The following SUPT16H variants were observed in gnomAD, a reference collection of about 807,000 sequenced individuals.
SUPT16H encodes SPT16 homolog, facilitates chromatin remodeling subunit.
Under a neutral mutation model 136.2 loss-of-function variants are expected in SUPT16H, and 24 were observed. That is an observed-to-expected ratio of 0.18 (90% CI 0.13 to 0.25). SUPT16H has a LOEUF of 0.25. Ranked by LOEUF, SUPT16H falls within the 10% of genes least tolerant of loss-of-function variation. SUPT16H has a pLI of 1.00. For missense variants in SUPT16H, 623 were observed against 1,270.2 expected, an observed-to-expected ratio of 0.49 and a Z score of 7.74; for synonymous variants, 415 against 428.2, an observed-to-expected ratio of 0.97 and a Z score of 0.38.
chr14:21,380,296 A>ATTTTTT (rs60588939), intron 1 of SUPT16H, among the ~76,000 whole-genome samples: 3 of 112,028 alleles, frequency 2.7e-5, no homozygotes, highest in South Asian at 3.2e-4. Flanking sequence ...GGAAGACTGA[A>ATTTTTT]TTTTTTTTTT....
At chr14:21,363,980 A>G (rs1157142843) in intron 10 of SUPT16H, among the ~76,000 whole-genome samples, 1 of 152,172 alleles carries the variant, frequency 6.6e-6, no homozygotes, top group Non-Finnish European at 1.5e-5. Flanking sequence ...CGCCCAGCCA[A>G]GAGCTACAAT....
At chr14:21,361,375 G>A in intron 15 of SUPT16H, 162 bp from the exon 16 acceptor site, 1 of 836,250 alleles carries the variant, frequency 1.2e-6, no homozygotes. Context: ...GGAGTGCAGT[G>A]GCCCAATCTT....
Position 21,353,759 on chromosome 14 carries a change from T to C in SUPT16H, c.2864A>G (p.Tyr955Cys), listed in dbSNP as rs762011472. ...ATCACTGTCCTCCTCTTCCTCTTCA[T>C]AGTCATCTTCTGAAGGATTAAAAGT... The part of the protein sequence containing the change: ...DETFNPSEDD[Y>C]EEEEEDSDED... Residue 955 changes from tyrosine to cysteine, a missense_variant, in exon 24 of 26, where the codon TAT (tyrosine) becomes TGT (cysteine). By Grantham distance (194) the Tyr-to-Cys change is radical. Transcript: ENST00000216297. 7.4e-6 allele frequency: 12 copies of C among 1,613,938 alleles called. No individual in the cohort carries two copies. The highest frequency in any genetic ancestry group is 1.3e-5 in the African/African-American group (1 of 74,934).
intron 9 of SUPT16H, 62 bp from the exon 10 acceptor site, chr14:21,365,001 T>C (rs1318585731): frequency 1.2e-6 from 2 of 1,606,504 alleles, no homozygotes; most frequent in Admixed American, 1.7e-5. Flanking sequence ...GTGAGACATA[T>C]GCCTAAAAGA....
chr14:21,359,457 G>A, intron 19 of SUPT16H, 27 bp downstream of exon 19: 1 of 1,609,208 alleles, frequency 6.2e-7, no homozygotes, highest in African/African-American at 1.3e-5. Flanking sequence ...TCACTATCCT[G>A]CAAATACAAT....
chr14:21,358,451 T>C (rs371185558), intron 19 of SUPT16H, 24 bp from the exon 20 acceptor site: 1 of 1,527,448 alleles, frequency 6.5e-7, no homozygotes, highest in Non-Finnish European at 9.0e-7. Context: ...AAATATCAAA[T>C]ACAGCCATCA....
chr14:21,378,900 G>A (rs1458613791), intron 1 of SUPT16H, among the ~76,000 whole-genome samples: 1 of 152,110 alleles, frequency 6.6e-6, no homozygotes, highest in Non-Finnish European at 1.5e-5. Flanking sequence ...ATATAAAACA[G>A]GTGGCAAAGA....
In SUPT16H at chr14:21,358,368, T is replaced by C. The variant is rs1455733781; in HGVS notation, c.2361A>G (p.Val787=). The C allele has an allele frequency of 6.2e-7, 1 of 1,613,878 alleles. No homozygotes were observed. Among genetic ancestry groups the C allele is most frequent in the Non-Finnish European group, 8.5e-7 (1 of 1,179,994 alleles). ...KTAFKNFIEK[V]EALTKEELEF... ...CCAGTTCCTCCTTAGTTAGAGCCTC[T>C]ACTTTCTCAATGAAATTTTTAAAGG... is the stretch of plus-strand genomic sequence containing the variant. The change falls in exon 20 of 26, where the codon GTA becomes GTG. Residue 787 remains valine, a synonymous_variant. Coordinates refer to ENST00000216297, the MANE Select transcript of SUPT16H (RefSeq NM_007192.4).
chr14:21,362,717 G>A, intron 14 of SUPT16H, 77 bp downstream of exon 14: 1 of 1,486,044 alleles, frequency 6.7e-7, no homozygotes. Flanking sequence ...CATGATGAAT[G>A]CAGATTATTT....
In SUPT16H at chr14:21,381,451, G is replaced by T. The variant is rs116606157; in HGVS notation, c.66+2411C>A. Among the ~76,000 whole-genome samples the T allele has an allele frequency of 6.8e-3, 1,033 of 152,078 alleles. 12 individuals carry two copies. Among genetic ancestry groups the T allele is most frequent in the African/African-American group, 0.023 (961 of 41,466 alleles). On this transcript the variant is annotated intron_variant, in intron 1 of 25. Coordinates refer to ENST00000216297, the MANE Select transcript of SUPT16H (RefSeq NM_007192.4). Reference sequence around the variant, plus strand: ...CTGTGTACTTGTATTTGGACTGCTGGAACTACCAGGTTCAACCACTACAGC... The same window carrying T: ...CTGTGTACTTGTATTTGGACTGCTGTAACTACCAGGTTCAACCACTACAGC...
Position 21,357,365 on chromosome 14 carries a change from G to A in SUPT16H, c.2492C>T (p.Pro831Leu). Residue 831 changes from proline to leucine, a missense_variant and splice_region_variant, in exon 22 of 26, where the codon CCA (proline) becomes CTA (leucine). Coordinates refer to ENST00000216297, the MANE Select transcript of SUPT16H (RefSeq NM_007192.4). ...CTCATCCAATGTCACCACAAAAGGT[G>A]GCTGTCAGGGAGAAACTGAATCATT... ...SSALVNATEW[P>L]PFVVTLDEVE... 1 of 1,577,562 alleles carries A rather than the reference G, an allele frequency of 6.3e-7. No homozygotes were observed. Among genetic ancestry groups the A allele is most frequent in the Non-Finnish European group, 8.6e-7 (1 of 1,163,470 alleles).
chr14:21,354,364 T>C (rs1231465640), intron 23 of SUPT16H, 47 bp downstream of exon 23: 2 of 1,603,622 alleles, frequency 1.2e-6, no homozygotes, highest in Middle Eastern at 1.7e-4. Context: ...GACCAAATGA[T>C]AGCGGGCAAC....
In SUPT16H at chr14:21,369,731, C is replaced by T. The variant is rs756490042; in HGVS notation, c.630+19G>A. On this transcript the variant is annotated intron_variant, in intron 5 of 25. Coordinates refer to ENST00000216297, the MANE Select transcript of SUPT16H (RefSeq NM_007192.4). The stretch of plus-strand genomic sequence containing the variant: ...CTGCTTCATTAAAACAGTAAAAAGA[C>T]CCTCTCATCTCCATTTACCTCATCT... The T allele has an allele frequency of 1.2e-6, 2 of 1,613,444 alleles. No homozygotes were observed. Among genetic ancestry groups the T allele is most frequent in the East Asian group, 2.2e-5 (1 of 44,862 alleles).
chr14:21,359,422 A>G, intron 19 of SUPT16H, 62 bp downstream of exon 19: 2 of 1,585,956 alleles, frequency 1.3e-6, no homozygotes, highest in Admixed American at 1.8e-5. Flanking sequence ...ACAATCCCTG[A>G]GCTTGGATTT....
chr14:21,377,517 G>T (rs1183063427), intron 1 of SUPT16H, among the ~76,000 whole-genome samples: 1 of 151,652 alleles, frequency 6.6e-6, no homozygotes, highest in African/African-American at 2.4e-5. Context: ...AACCAAAAGT[G>T]AGGGCAAACT....
At chr14:21,380,064 T>C (rs61973163) in intron 1 of SUPT16H, among the ~76,000 whole-genome samples, 3,772 of 152,256 alleles carry the variant, frequency 0.025, 49 homozygotes, top group African/African-American at 0.033. Context: ...AAAATTAAAA[T>C]GGCCAAACAT....
intron 22 of SUPT16H, chr14:21,354,950 A>C: frequency 6.2e-6 from 1 of 162,122 alleles, no homozygotes. Context: ...CTGCTATTTG[A>C]TCTCCTAGAG....
rs143347467 is a variant in SUPT16H, at chr14:21,362,310, G to T, written c.1680C>A (p.Ser560=). Residue 560 remains serine (S), a synonymous_variant, in exon 15 of 26, where the codon TCC becomes TCA. Coordinates refer to ENST00000216297, the MANE Select transcript of SUPT16H (RefSeq NM_007192.4). ...GCAAGTAAGTATAATCTCCTTCCAC[G>T]GACATACTTATATTCTGTTCAAAGG... ...HIATIKNISM[S]VEGDYTYLRI... 5.6e-6 allele frequency: 9 copies of T among 1,613,538 alleles called. No homozygotes were observed. The African/African-American group carries it at 1.2e-4, about 22-fold the overall frequency.
intron 10 of SUPT16H, among the ~76,000 whole-genome samples, chr14:21,364,313 C>T (rs185621182): frequency 6.6e-6 from 1 of 151,894 alleles, no homozygotes; most frequent in Admixed American, 6.5e-5. Context: ...TTAGCAAATC[C>T]TTAGAGAGAA....
Sources: allele counts gnomAD v4.1 joint callset (sites outside exome capture counted in the v4.1 genomes callset), GRCh38; gene constraint gnomAD v4.1.1; transcripts MANE v1.5; gene names NCBI Gene and HGNC (gene_info 2026-07-23, HGNC 2026-07-21).